Variants in SRGAP1 observed in about 807,000 individuals in gnomAD.
SRGAP1 encodes the protein SLIT-ROBO Rho GTPase activating protein 1, also known as SLIT-ROBO Rho GTPase-activating protein 1.
In SRGAP1, 43 loss-of-function variants were observed where a neutral mutation model predicts 121.9. That is an observed-to-expected ratio of 0.35 (90% confidence interval 0.28 to 0.46). The LOEUF (loss-of-function observed/expected upper bound fraction) is 0.46. Among genes scored for constraint, SRGAP1 ranks in the 20% least tolerant of loss-of-function variants. The pLI is 1.00. For missense variants in SRGAP1, 1,102 were observed against 1,350.9 expected (o/e 0.82, Z 2.89); for synonymous variants, 447 against 485.4 (o/e 0.92, Z 1.04).
intron 1 of SRGAP1, among the ~76,000 whole-genome samples, chr12:63,952,943 G>A (rs1284271025): frequency 1.3e-5 from 2 of 152,072 alleles, no homozygotes; most frequent in African/African-American, 4.8e-5. Flanking sequence ...ACTGTACCGG[G>A]CCAGGTGCTA....
chr12:63,880,186 A>G (rs1185408460), intron 1 of SRGAP1, among the ~76,000 whole-genome samples: 3 of 152,114 alleles, frequency 2.0e-5, no homozygotes, highest in African/African-American at 4.8e-5. Context: ...GCCTACCGCC[A>G]TGATTGTGAA....
chr12:63,847,703 G>A (rs1393085580), intron 1 of SRGAP1, among the ~76,000 whole-genome samples: 3 of 151,334 alleles, frequency 2.0e-5, no homozygotes, highest in South Asian at 4.2e-4. Flanking sequence ...CTGAAATTGC[G>A]CCACTGCACT....
chr12:63,878,777 A>G (rs1299941793), intron 1 of SRGAP1: 1 of 152,196 alleles, frequency 6.6e-6, no homozygotes, highest in Non-Finnish European at 1.5e-5. Context: ...TCCTAGCTGC[A>G]AAGTCCTTGG....
intron 1 of SRGAP1, among the ~76,000 whole-genome samples, chr12:63,861,302 ATTTTT>A (rs71457100): frequency 4.5e-5 from 6 of 132,624 alleles, no homozygotes; most frequent in East Asian, 4.6e-4. Context: ...ATATATATAT[ATTTTT>A]TTTTTTTTTT....
chr12:64,058,252 TTC>T (rs2035380337), intron 6 of SRGAP1, among the ~76,000 whole-genome samples: 2 of 152,322 alleles, frequency 1.3e-5, no homozygotes, highest in Admixed American at 1.3e-4. Flanking sequence ...CATCTAGACT[TTC>T]AATGGCTCAA....
In SRGAP1 at chr12:64,126,246, GAGC is replaced by G; in HGVS notation, c.2405+92_2405+94del. The G allele has an allele frequency of 1.5e-5, 21 of 1,422,050 alleles. No individual in the cohort carries two copies. In the South Asian group the frequency reaches 2.9e-4, roughly 20 times the overall value. The allele number at this position is 1,422,050 out of a possible 1,614,324, so 88.1% of individuals were successfully genotyped here. On this transcript the variant is annotated intron_variant, in intron 19 of 21. Coordinates refer to ENST00000355086, the MANE Select transcript of SRGAP1 (RefSeq NM_020762.4). ...AACTGACCTTGGTCTTGTGAGAAAG[GAGC>G]AGAAGGGATTACAGAGATAAAACTT...
At chr12:64,025,824 C>G (rs2136479446) in intron 4 of SRGAP1, among the ~76,000 whole-genome samples, 1 of 152,292 alleles carries the variant, frequency 6.6e-6, no homozygotes, top group South Asian at 2.1e-4. Context: ...TTGACGCACA[C>G]TGACTTTGGA....
rs1021087896 is a variant in SRGAP1 at position 64,161,178 on chromosome 12, T to C, written c.*18506T>C. On this transcript the variant is annotated 3_prime_UTR_variant, in exon 22 of 22. Coordinates refer to ENST00000355086, the MANE Select transcript of SRGAP1 (RefSeq NM_020762.4). ...ACATAAGTAGATAAAAATTAATTCA[T>C]TCTCAAAATCTTCCACAGAAATGCT... The C allele has an allele frequency of 5.3e-5, 8 of 152,236 alleles. No homozygotes were observed. The highest frequency in any genetic ancestry group is 1.9e-4 in the African/African-American group (8 of 41,470). 9.4% of individuals were successfully genotyped at this position (152,236 alleles called of 1,614,324 possible).
At chr12:63,930,328 T>TAAAA (rs755253203) in intron 1 of SRGAP1, among the ~76,000 whole-genome samples, 4 of 60,062 alleles carry the variant, frequency 6.7e-5, no homozygotes, top group Admixed American at 4.2e-4. Context: ...TCGTCTCTAC[T>TAAAA]AAAAAAAAAA....
In SRGAP1 at chr12:63,896,882, T is replaced by C. The variant is rs188845054; in HGVS notation, c.67+51999T>C. 4.2e-4 allele frequency among the ~76,000 whole-genome samples: 64 copies of C among 152,294 alleles called. No homozygotes were observed. In the East Asian group the frequency reaches 4.2e-3, roughly 10 times the overall value. ...AAGAAGGTCCTATAGCCAGATAAATTTGGGAAACCTAGTTCTGTGACGAAA... is the reference window on the plus strand; with the variant it reads ...AAGAAGGTCCTATAGCCAGATAAATCTGGGAAACCTAGTTCTGTGACGAAA... On this transcript the variant is annotated intron_variant, in intron 1 of 21. Coordinates refer to ENST00000355086, the MANE Select transcript of SRGAP1 (RefSeq NM_020762.4).
chr12:64,038,759 G>T (rs2034950739), intron 4 of SRGAP1: 1 of 152,130 alleles, frequency 6.6e-6, no homozygotes, highest in Non-Finnish European at 1.5e-5. Context: ...GAGGAAAAAT[G>T]GAGCAAGAAA....
At chr12:64,007,973 A>G (rs1380265400) in intron 3 of SRGAP1, among the ~76,000 whole-genome samples, 3 of 152,212 alleles carry the variant, frequency 2.0e-5, no homozygotes, top group East Asian at 3.8e-4. Flanking sequence ...TAGAAAAACA[A>G]AGTGTCTTCA....
chr12:63,963,322 A>G lies in SRGAP1; in HGVS notation c.68-20625A>G, dbSNP rs964472319. ...TTTTTCTCGGAACTGAAGTTTTAAGATAGTGTCATCTTTTAAGAGCAAGGT... is the reference window on the plus strand; with the variant it reads ...TTTTTCTCGGAACTGAAGTTTTAAGGTAGTGTCATCTTTTAAGAGCAAGGT... On this transcript the variant is annotated intron_variant, in intron 1 of 21. Coordinates refer to ENST00000355086, the MANE Select transcript of SRGAP1 (RefSeq NM_020762.4). Among the ~76,000 whole-genome samples the G allele has an allele frequency of 2.0e-5, 3 of 152,188 alleles. No individual in the cohort carries two copies. The South Asian group carries it at 6.2e-4, about 31-fold the overall frequency.
chr12:63,998,438 G>C (rs2033778127), intron 3 of SRGAP1, among the ~76,000 whole-genome samples: 1 of 152,112 alleles, frequency 6.6e-6, no homozygotes, highest in African/African-American at 2.4e-5. Flanking sequence ...GGTCAGCTAG[G>C]AGGACTGATG....
At chr12:63,938,399 C>T (rs539058199) in intron 1 of SRGAP1, among the ~76,000 whole-genome samples, 1 of 152,290 alleles carries the variant, frequency 6.6e-6, no homozygotes, top group African/African-American at 2.4e-5. Context: ...TCCGGTTGTG[C>T]TCGCCTGTCA....
intron 18 of SRGAP1, among the ~76,000 whole-genome samples, chr12:64,118,710 C>CTTATTTATTTAT (rs377520467): frequency 0.016 from 2,442 of 150,450 alleles, 82 homozygotes; most frequent in African/African-American, 0.057. Context: ...TCTTTGGTGC[C>CTTATTTATTTAT]TTATTTATTT....
chr12:64,043,075 A>C (rs947119700), intron 5 of SRGAP1, 103 bp downstream of exon 5: 1 of 812,988 alleles, frequency 1.2e-6, no homozygotes, highest in African/African-American at 1.7e-5. Context: ...TTATTGTGAA[A>C]AGACATGCAT....
At chr12:64,075,520 CAG>C (rs1299226862) in intron 8 of SRGAP1, among the ~76,000 whole-genome samples, 1 of 152,194 alleles carries the variant, frequency 6.6e-6, no homozygotes, top group African/African-American at 2.4e-5. Flanking sequence ...TTGTTCCCAA[CAG>C]AGTCATCAAG....
chr12:63,922,445 A>G (rs2031096195), intron 1 of SRGAP1, among the ~76,000 whole-genome samples: 1 of 152,212 alleles, frequency 6.6e-6, no homozygotes, highest in Non-Finnish European at 1.5e-5. Context: ...TACATTAGGG[A>G]TGCCCTGGAG....
Sources: allele counts gnomAD v4.1 joint callset (sites outside exome capture counted in the v4.1 genomes callset), GRCh38; gene constraint gnomAD v4.1.1; transcripts MANE v1.5; gene names NCBI Gene and HGNC (gene_info 2026-07-23, HGNC 2026-07-21).